The following AKR1B15 variants were observed in gnomAD, a reference collection of about 807,000 sequenced individuals.
AKR1B15 encodes the protein aldo-keto reductase family 1 member B15, also known as estradiol 17-beta-dehydrogenase AKR1B15.
AKR1B15 carries 49 observed loss-of-function variants against 38.5 expected under a neutral mutation model. The ratio of observed to expected loss-of-function variants is 1.27; its 90% CI spans 1.01 to 1.62. AKR1B15 has a LOEUF of 1.62. Among genes scored for constraint, AKR1B15 ranks in the 40% most tolerant of loss-of-function variants. The pLI, the probability that AKR1B15 is intolerant of heterozygous loss-of-function variation, is 0.00. For synonymous variants in AKR1B15, 137 were observed against 135.5 expected (o/e 1.01, Z -0.08); for missense variants, 411 against 381.6 (o/e 1.08, Z -0.64).
chr7:134,563,520 C>T (rs1457870047), intron 2 of AKR1B15, among the ~76,000 whole-genome samples: 1 of 152,158 alleles, frequency 6.6e-6, no homozygotes, highest in Non-Finnish European at 1.5e-5. Context: ...TGCACTCCAG[C>T]CTGGGCATCA....
chr7:134,555,257 T>G (rs1347015738), intron 1 of AKR1B15, among the ~76,000 whole-genome samples: 1 of 152,066 alleles, frequency 6.6e-6, no homozygotes, highest in African/African-American at 2.4e-5. Flanking sequence ...GACTGGGCCC[T>G]GCCACTCTTT....
intron 6 of AKR1B15, chr7:134,573,346 G>T: frequency 1.0e-6 from 1 of 985,020 alleles, no homozygotes; most frequent in Non-Finnish European, 1.2e-6. Context: ...CATTACATTT[G>T]ATCTGTGTTT....
intron 6 of AKR1B15, among the ~76,000 whole-genome samples, chr7:134,574,864 G>T (rs1794729806): frequency 6.6e-6 from 1 of 152,192 alleles, no homozygotes; most frequent in Admixed American, 6.5e-5. Context: ...CCCTGCTAGG[G>T]CGTAATTTAT....
At chr7:134,574,663 A>G (rs1290334579) in intron 6 of AKR1B15, among the ~76,000 whole-genome samples, 1 of 152,242 alleles carries the variant, frequency 6.6e-6, no homozygotes, top group Non-Finnish European at 1.5e-5. Flanking sequence ...TACTAAATAC[A>G]TGTTGCATTG....
chr7:134,576,592 C>G (rs936558513), intron 9 of AKR1B15, among the ~76,000 whole-genome samples, 162 bp downstream of exon 9: 11 of 152,148 alleles, frequency 7.2e-5, no homozygotes. Flanking sequence ...CTAGGAAACA[C>G]AAGAGCTGTC....
At position 134,575,850 on chromosome 7, in the gene AKR1B15, G is replaced by A. The variant is rs1322799903; in HGVS notation, c.666G>A (p.Glu222=). The change falls in exon 8 of 12, where the codon GAG becomes GAA. Residue 222 remains glutamate (E), a synonymous_variant. Coordinates refer to ENST00000457545, the MANE Select transcript of AKR1B15 (RefSeq NM_001080538.3). ...QVECHPYLTQ[E]KLIQYCHSKG... is the part of the protein sequence containing the mutation. ...AGTGTCACCCATACCTCACGCAGGA[G>A]AAACTGATCCAGTACTGCCACTCCA... is the stretch of plus-strand genomic sequence containing the variant. 1 of 1,613,828 alleles carries A rather than the reference G, an allele frequency of 6.2e-7. No individual in the cohort carries two copies.
At chr7:134,574,621 C>T (rs377451017) in intron 6 of AKR1B15, among the ~76,000 whole-genome samples, 1 of 152,210 alleles carries the variant, frequency 6.6e-6, no homozygotes, top group African/African-American at 2.4e-5. Context: ...TTGACAACTT[C>T]TGGGCAGGAT....
intron 6 of AKR1B15, among the ~76,000 whole-genome samples, chr7:134,572,839 A>G (rs1189672223): frequency 1.3e-5 from 2 of 152,324 alleles, no homozygotes; most frequent in East Asian, 3.9e-4. Flanking sequence ...GAACAGTGGC[A>G]TATAACTCCA....
intron 5 of AKR1B15, chr7:134,569,755 C>T: frequency 4.2e-6 from 2 of 473,044 alleles, no homozygotes; most frequent in Non-Finnish European, 7.6e-6. Flanking sequence ...TTATCACTTC[C>T]CCAATCAGTA....
At position 134,579,713 on chromosome 7, in the gene AKR1B15, T is replaced by G. The variant is rs1562953840; in HGVS notation, c.*164T>G. On this transcript the variant is annotated 3_prime_UTR_variant, in exon 12 of 12. Coordinates refer to ENST00000457545, the MANE Select transcript of AKR1B15 (RefSeq NM_001080538.3). ...GCTGTTTTAGACATGTATTTCTGTA[T>G]GTTCAACTAGGATAAGAATATCACA... The G allele has an allele frequency of 1.8e-6, 1 of 564,004 alleles. No individual in the cohort carries two copies. Among genetic ancestry groups the G allele is most frequent in the Non-Finnish European group, 3.0e-6 (1 of 332,826 alleles). 34.9% of individuals were successfully genotyped at this position (564,004 alleles called of 1,614,324 possible).
chr7:134,562,666 C>T (rs565198811), intron 2 of AKR1B15, among the ~76,000 whole-genome samples: 11 of 152,152 alleles, frequency 7.2e-5, no homozygotes, highest in African/African-American at 1.9e-4. Context: ...AAAATTTCTC[C>T]GAGTCCCCAC....
chr7:134,566,894 C>T (rs1427936088), intron 3 of AKR1B15, among the ~76,000 whole-genome samples: 2 of 152,106 alleles, frequency 1.3e-5, no homozygotes, highest in Non-Finnish European at 2.9e-5. Flanking sequence ...AGCTTTAATC[C>T]TATATAAATG....
chr7:134,562,871 TTTCTTTCTTTCTTTCTTTCC>T (rs1440231437), intron 2 of AKR1B15, among the ~76,000 whole-genome samples: 9 of 128,408 alleles, frequency 7.0e-5, no homozygotes, highest in African/African-American at 3.0e-4. Context: ...TCTTTCTTTC[TTTCTTTCTTTCTTTCTTTCC>T]TTCTTTCTTC....
chr7:134,579,091 A>T (rs1476532563), intron 11 of AKR1B15, among the ~76,000 whole-genome samples: 1 of 152,196 alleles, frequency 6.6e-6, no homozygotes, highest in Non-Finnish European at 1.5e-5. Flanking sequence ...GCTAACATCC[A>T]TTGAACCTTA....
chr7:134,562,852 TTCTTTCTTTC>T (rs997350744), intron 2 of AKR1B15, among the ~76,000 whole-genome samples: 1 of 110,784 alleles, frequency 9.0e-6, no homozygotes, highest in Non-Finnish European at 1.9e-5. Flanking sequence ...CTTTCTTTCT[TTCTTTCTTTC>T]TTTCTTTCTT....
intron 3 of AKR1B15, among the ~76,000 whole-genome samples, chr7:134,565,837 A>C (rs1794520967): frequency 6.6e-6 from 1 of 152,108 alleles, no homozygotes; most frequent in Admixed American, 6.5e-5. Flanking sequence ...TGGCTCTAGG[A>C]CACTTAATTG....
chr7:134,561,057 A>C (rs1794373917), intron 2 of AKR1B15, among the ~76,000 whole-genome samples: 2 of 152,148 alleles, frequency 1.3e-5, no homozygotes, highest in Non-Finnish European at 2.9e-5. Context: ...TTTTTCTTTT[A>C]GGGACCTCTC....
At chr7:134,565,628 C>G (rs1413810517) in intron 3 of AKR1B15, 3 of 1,577,440 alleles carry the variant, frequency 1.9e-6, no homozygotes, top group Non-Finnish European at 1.7e-6. Flanking sequence ...GCCAGAAAAG[C>G]CTGGAGGTCG....
rs770802206 is a variant in AKR1B15 at position 134,575,918 on chromosome 7, A to G, written c.734A>G (p.Asp245Gly). 3.1e-6 allele frequency: 5 copies of G among 1,613,474 alleles called. No individual in the cohort carries two copies. In the South Asian group the frequency reaches 5.5e-5, roughly 18 times the overall value. Reference protein sequence around the residue: ...VTAYSPLGSPDRPWAKPEDPS... With the variant: ...VTAYSPLGSPGRPWAKPEDPS... ...GCCTACAGCCCCCTGGGCTCTCCGG[A>G]TAGACCTTGGTGAGGCTTCCAAGTG... Residue 245 changes from aspartate (D) to glycine (G), a missense_variant, in exon 8 of 12, where the codon GAT (aspartate) becomes GGT (glycine). Asp to Gly is a moderately conservative substitution (Grantham distance 94). Around this residue, in one of 3 missense-constraint regions of AKR1B15, gnomAD observed 133 missense variants for 120.3 expected, o/e 1.11. Transcript: ENST00000457545.
Sources: gnomAD v4.1 joint callset for allele counts (sites outside exome capture counted in the v4.1 genomes callset) on GRCh38, gnomAD v4.1.1 for gene constraint, gnomAD v4.1.1 regional missense constraint, MANE v1.5 for transcripts, NCBI Gene and HGNC (gene_info 2026-07-23, HGNC 2026-07-21) for gene names.